DIAPH2: variants seen among roughly 807,000 people sequenced by gnomAD.
DIAPH2 encodes diaphanous related formin 2.
DIAPH2 carries 35 observed loss-of-function variants against 92.7 expected under a neutral mutation model. The observed-to-expected ratio is 0.38, with a 90% CI of 0.29 to 0.50. DIAPH2 has a LOEUF of 0.50. Among genes scored for constraint, DIAPH2 ranks in the 20% least tolerant of loss-of-function variants. The pLI, the probability that DIAPH2 is intolerant of heterozygous loss-of-function variation, is 0.94. For synonymous variants in DIAPH2, 301 were observed against 280.4 expected, an observed-to-expected ratio of 1.07 and a Z score of -0.73; for missense variants, 701 against 819.5, an observed-to-expected ratio of 0.86 and a Z score of 1.77.
chrX:97,252,276 C>T (rs909542915), intron 23 of DIAPH2, among the ~76,000 whole-genome samples: 2 of 111,278 alleles, frequency 1.8e-5, no homozygotes, highest in African/African-American at 6.5e-5. Context: ...TTTCCCCAAC[C>T]GGAGGACAGA....
chrX:96,806,749 T>G (rs1209543622), intron 4 of DIAPH2, among the ~76,000 whole-genome samples: 2 of 108,739 alleles, frequency 1.8e-5, no homozygotes, highest in Non-Finnish European at 3.8e-5. Context: ...TCTGCATTTT[T>G]TTTTTTTTTG....
chrX:97,310,691 T>C (rs2068785912), intron 23 of DIAPH2, among the ~76,000 whole-genome samples: 1 of 111,049 alleles, frequency 9.0e-6, no homozygotes, highest in South Asian at 3.8e-4. Context: ...GAGGGAGTTG[T>C]ACACCCAAAT....
chrX:96,991,255 C>G (rs2066068048), intron 17 of DIAPH2, among the ~76,000 whole-genome samples: 1 of 110,138 alleles, frequency 9.1e-6, no homozygotes, highest in African/African-American at 3.3e-5. Flanking sequence ...GCTGGGATTA[C>G]AGATGCACGC....
chrX:97,291,922 T>G (rs745428586), intron 23 of DIAPH2, among the ~76,000 whole-genome samples: 31 of 111,680 alleles, frequency 2.8e-4, no homozygotes, highest in African/African-American at 1.0e-3. Context: ...ATCCTTAGTT[T>G]ACAGATAAGG....
chrX:96,902,467 G>A (rs1027261375), intron 5 of DIAPH2, among the ~76,000 whole-genome samples: 5 of 111,174 alleles, frequency 4.5e-5, no homozygotes, highest in Admixed American at 9.6e-5. Context: ...GAGCTCCAGT[G>A]TTAGGTGCAT....
intron 26 of DIAPH2, among the ~76,000 whole-genome samples, chrX:97,584,586 C>T (rs1295201257): frequency 4.5e-5 from 5 of 111,473 alleles, no homozygotes; most frequent in African/African-American, 1.6e-4. Flanking sequence ...CAAAGTGGTA[C>T]TAGTACCATC....
At chrX:97,208,752 T>G (rs2147502668) in intron 22 of DIAPH2, among the ~76,000 whole-genome samples, 1 of 111,812 alleles carries the variant, frequency 8.9e-6, no homozygotes, top group African/African-American at 3.2e-5. Flanking sequence ...TTAAGTGGAC[T>G]ATTATGTAAG....
At chrX:97,023,164 TATA>T (rs1290465567) in intron 17 of DIAPH2, among the ~76,000 whole-genome samples, 1 of 111,112 alleles carries the variant, frequency 9.0e-6, no homozygotes, top group Non-Finnish European at 1.9e-5. Context: ...AATTATTTAT[TATA>T]ATGTTTTGTC....
Position 97,588,996 on chromosome X carries a change from AATATAT to A in DIAPH2, c.3242-10231_3242-10226del, listed in dbSNP as rs199558439. The stretch of plus-strand genomic sequence containing the variant: ...ATGCCAAAAATTCAGATATTATAGA[AATATAT>A]ATATATATATATATATATATATATA... On this transcript the variant is annotated intron_variant, in intron 26 of 26. Coordinates refer to ENST00000324765, the MANE Select transcript of DIAPH2 (RefSeq NM_006729.5). Among the ~76,000 whole-genome samples the A allele has an allele frequency of 2.8e-3, 89 of 31,708 alleles. 2 individuals are homozygous for A. The highest frequency in any genetic ancestry group is 0.016 in the East Asian group (8 of 495). 27.5% of individuals were successfully genotyped at this position (31,708 alleles called of 115,157 possible). A position where few individuals can be genotyped will look rare whatever the true frequency, so the allele number is the denominator to read the frequency against.
Position 96,738,780 on chromosome X carries a change from T to G in DIAPH2, c.342+18T>G. On this transcript the variant is annotated intron_variant, in intron 3 of 26. Coordinates refer to ENST00000324765, the MANE Select transcript of DIAPH2 (RefSeq NM_006729.5). ...AAATGATGGTAAGTTATACCCCTAA[T>G]TTTGATGTAATTTTAAAATGTGTGT... 1 of 1,167,389 alleles carries G rather than the reference T, an allele frequency of 8.6e-7. No individual in the cohort carries two copies. The highest frequency in any genetic ancestry group is 1.2e-6 in the Non-Finnish European group (1 of 861,479).
chrX:97,600,633 C>T lies in DIAPH2; in HGVS notation c.*1316C>T, dbSNP rs1425850740. 8.9e-6 allele frequency: 1 copy of T among 112,316 alleles called. No individual in the cohort carries two copies. The highest frequency in any genetic ancestry group is 3.2e-5 in the African/African-American group (1 of 30,862). The allele number at this position is 112,316 out of a possible 1,213,427, so 9.3% of individuals were successfully genotyped here. A position where few individuals can be genotyped will look rare whatever the true frequency, so the allele number is the denominator to read the frequency against. On this transcript the variant is annotated 3_prime_UTR_variant, in exon 27 of 27. Coordinates refer to ENST00000324765, the MANE Select transcript of DIAPH2 (RefSeq NM_006729.5). Reference sequence around the variant, plus strand: ...TGTCTGTCTATTATTTTAAAATATGCATTGAAATAATGTGGTATAACTTCT... The same window carrying T: ...TGTCTGTCTATTATTTTAAAATATGTATTGAAATAATGTGGTATAACTTCT...
At chrX:96,922,254 A>T (rs903835400) in intron 9 of DIAPH2, among the ~76,000 whole-genome samples, 20 of 110,809 alleles carry the variant, frequency 1.8e-4, no homozygotes, top group Non-Finnish European at 3.4e-4. Context: ...TTATATTAAA[A>T]CTTAGCTTAT....
At chrX:96,978,038 G>A (rs2065972869) in intron 17 of DIAPH2, among the ~76,000 whole-genome samples, 1 of 111,922 alleles carries the variant, frequency 8.9e-6, no homozygotes, top group South Asian at 3.7e-4. Context: ...AATCCAGTGG[G>A]AAATTGTAAC....
chrX:96,810,917 T>C (rs1390435168), intron 4 of DIAPH2, among the ~76,000 whole-genome samples: 1 of 112,019 alleles, frequency 8.9e-6, no homozygotes, highest in Non-Finnish European at 1.9e-5. Context: ...TTTTGGTTAC[T>C]GTAGCCTTGT....
At chrX:97,511,372 C>CGT (rs1556177254) in intron 26 of DIAPH2, among the ~76,000 whole-genome samples, 1 of 89,872 alleles carries the variant, frequency 1.1e-5, no homozygotes, top group East Asian at 3.9e-4. Flanking sequence ...TATCCTGAGA[C>CGT]TGCTGAAGTT....
intron 26 of DIAPH2, among the ~76,000 whole-genome samples, chrX:97,515,211 G>T (rs1268339693): frequency 8.9e-6 from 1 of 112,524 alleles, no homozygotes; most frequent in Non-Finnish European, 1.9e-5. Flanking sequence ...ATAATCTCGT[G>T]GTGCACCGTT....
chrX:97,177,563 C>T (rs1241803509), intron 22 of DIAPH2, among the ~76,000 whole-genome samples: 1 of 110,443 alleles, frequency 9.1e-6, no homozygotes, highest in South Asian at 3.9e-4. Flanking sequence ...CTTCTTTCAT[C>T]TCTCCCTCCC....
intron 22 of DIAPH2, among the ~76,000 whole-genome samples, chrX:97,209,661 TTAATTA>T (rs1448035667): frequency 9.0e-6 from 1 of 111,152 alleles, no homozygotes; most frequent in Non-Finnish European, 1.9e-5. Flanking sequence ...TTAATTACAG[TTAATTA>T]TAATTATCAA....
At chrX:96,834,742 GA>G (rs745521855) in intron 4 of DIAPH2, among the ~76,000 whole-genome samples, 2 of 111,177 alleles carry the variant, frequency 1.8e-5, no homozygotes, top group African/African-American at 6.5e-5. Flanking sequence ...GGATTTATGA[GA>G]AAAAAAATGT....
Sources: gnomAD v4.1 joint callset for allele counts (sites outside exome capture counted in the v4.1 genomes callset) on GRCh38, gnomAD v4.1.1 for gene constraint, MANE v1.5 for transcripts, NCBI Gene and HGNC (gene_info 2026-07-23, HGNC 2026-07-21) for gene names.